Variants in PLXND1 observed in about 807,000 individuals in gnomAD.
PLXND1 encodes the protein plexin-D1.
Under a neutral mutation model 197.7 loss-of-function variants are expected in PLXND1, and 54 were observed. That is an observed-to-expected ratio of 0.27 (90% CI 0.22 to 0.34). The LOEUF (loss-of-function observed/expected upper bound fraction) is 0.34. PLXND1 is among the 10% of genes least tolerant of loss of function. The pLI, the probability that PLXND1 is intolerant of heterozygous loss-of-function variation, is 1.00. For missense variants in PLXND1, 2,127 were observed against 2,699.2 expected (o/e 0.79, Z 4.70); for synonymous variants, 1,180 against 1,161.2 (o/e 1.02, Z -0.33).
At chr3:129,566,385 A>T in intron 23 of PLXND1, 142 bp downstream of exon 23, 1 of 653,882 alleles carries the variant, frequency 1.5e-6, no homozygotes, top group Non-Finnish European at 2.8e-6. Context: ...CCTGGGATGG[A>T]GGGCTCAGTA....
intron 7 of PLXND1, 62 bp from the exon 8 acceptor site, chr3:129,583,731 G>A (rs1037769797): frequency 3.1e-5 from 35 of 1,131,892 alleles, no homozygotes; most frequent in Non-Finnish European, 4.2e-5. Flanking sequence ...CCCTGTCCCA[G>A]GAACTAGAAC....
chr3:129,565,108 A>G (rs2085118774), intron 25 of PLXND1, among the ~76,000 whole-genome samples: 1 of 152,248 alleles, frequency 6.6e-6, no homozygotes, highest in Non-Finnish European at 1.5e-5. Flanking sequence ...AACCTCTGTT[A>G]TGCCCCAAGC....
chr3:129,563,899 T>C (rs2085099226), intron 25 of PLXND1, among the ~76,000 whole-genome samples: 1 of 152,128 alleles, frequency 6.6e-6, no homozygotes. Flanking sequence ...AAGTACATAA[T>C]AGTATTAGGC....
rs1223177610 is a variant in PLXND1, at chr3:129,563,025, G to A, written c.4668+69C>T. 13 of 1,610,426 alleles carry A rather than the reference G, an allele frequency of 8.1e-6. No individual in the cohort carries two copies. In the African/African-American group the frequency reaches 1.6e-4, roughly 20 times the overall value. On this transcript the variant is annotated intron_variant, in intron 26 of 35. Coordinates refer to ENST00000324093, the MANE Select transcript of PLXND1 (RefSeq NM_015103.3). Reference sequence around the variant, plus strand: ...TGCCCAGGCAGCAAGGCCCTGCAGAGGAAGGCTGGGTCAATGCCGTTGGCG... The same window carrying A: ...TGCCCAGGCAGCAAGGCCCTGCAGAAGAAGGCTGGGTCAATGCCGTTGGCG...
chr3:129,603,697 C>T (rs545289029), intron 1 of PLXND1, among the ~76,000 whole-genome samples: 2 of 152,282 alleles, frequency 1.3e-5, no homozygotes, highest in East Asian at 3.9e-4. Context: ...CCGACCTCGA[C>T]CTTGGGAGAA....
At chr3:129,570,677 G>T in intron 19 of PLXND1, 109 bp downstream of exon 19, 1 of 1,074,672 alleles carries the variant, frequency 9.3e-7, no homozygotes. Flanking sequence ...CTGAGCTGTT[G>T]AGCGTGAAAA....
intron 1 of PLXND1, among the ~76,000 whole-genome samples, chr3:129,594,447 G>A (rs962153990): frequency 2.0e-4 from 30 of 152,128 alleles, no homozygotes; most frequent in African/African-American, 3.1e-4. Flanking sequence ...TTTCACCACC[G>A]CACTCCAGTC....
At chr3:129,588,396 G>A (rs1272505344) in intron 2 of PLXND1, among the ~76,000 whole-genome samples, 1 of 152,040 alleles carries the variant, frequency 6.6e-6, no homozygotes, top group Non-Finnish European at 1.5e-5. Context: ...TCCCAAGCCA[G>A]GACACTGAGG....
At chr3:129,586,458 G>A in intron 3 of PLXND1, 130 bp downstream of exon 3, 1 of 1,201,466 alleles carries the variant, frequency 8.3e-7, no homozygotes, top group Non-Finnish European at 1.2e-6. Context: ...GCAGGACAAG[G>A]TGGAGTTAGC....
Position 129,584,181 on chromosome 3 carries a change from C to A in PLXND1, c.2082G>T (p.Lys694Asn). ...TGCAGTCGTAGATGGTGAAATTGGC[C>A]TTGACGATGTTCCGCCCATTGACCC... ...SVRVNGRNIV[K>N]ANFTIYDCSR... Residue 694 changes from lysine to asparagine, a missense_variant, in exon 7 of 36, where the codon AAG (lysine) becomes AAT (asparagine). Physicochemically the swap from Lys to Asn is moderately conservative, Grantham distance 94 (BLOSUM62 0). This residue lies in a region of PLXND1 where 1,095 missense variants were observed against 1,259.8 expected (regional missense o/e 0.87). Coordinates refer to ENST00000324093, the MANE Select transcript of PLXND1 (RefSeq NM_015103.3). 1 of 1,582,854 alleles carries A rather than the reference C, an allele frequency of 6.3e-7. No individual in the cohort carries two copies. The highest frequency in any genetic ancestry group is 8.6e-7 in the Non-Finnish European group (1 of 1,162,964).
chr3:129,603,341 A>G (rs2085737928), intron 1 of PLXND1, among the ~76,000 whole-genome samples: 1 of 152,144 alleles, frequency 6.6e-6, no homozygotes, highest in Admixed American at 6.5e-5. Flanking sequence ...GAGGGAGCGG[A>G]CCGTGGGAAC....
chr3:129,570,928 T>C lies in PLXND1; in HGVS notation c.3608A>G (p.Gln1203Arg). Reference protein sequence around the residue: ...EPLTLVIHKEQDSLGLQSHEY... With the variant: ...EPLTLVIHKERDSLGLQSHEY... ...GTGACTCTGGAGCCCCAGGCTGTCC[T>C]GCTCCTTCTGTGGGTGCAAAGGGGG... The change falls in exon 19 of 36, where the codon CAG becomes CGG. Residue 1203 changes from glutamine to arginine, a missense_variant. Coordinates refer to ENST00000324093, the MANE Select transcript of PLXND1 (RefSeq NM_015103.3). The C allele has an allele frequency of 1.2e-6, 2 of 1,614,218 alleles. No homozygotes were observed. The highest frequency in any genetic ancestry group is 1.7e-6 in the Non-Finnish European group (2 of 1,180,020).
chr3:129,589,307 G>GCCGGGGCCCCCCCCCCCCCCCCCCCC, intron 2 of PLXND1, 44 bp downstream of exon 2: 2 of 684,690 alleles, frequency 2.9e-6, no homozygotes, highest in Non-Finnish European at 2.6e-6. Flanking sequence ...TCCCAGGGGA[G>GCCGGGGCCCCCCCCCCCCCCCCCCCC]CCTCCCACCC....
chr3:129,575,630 C>G, intron 10 of PLXND1, 68 bp from the exon 11 acceptor site: 1 of 1,315,750 alleles, frequency 7.6e-7, no homozygotes, highest in South Asian at 1.3e-5. Flanking sequence ...GGATGGGTGT[C>G]ATGGAGGCAG....
intron 2 of PLXND1, among the ~76,000 whole-genome samples, chr3:129,587,389 G>A (rs1473206267): frequency 6.6e-6 from 1 of 152,220 alleles, no homozygotes; most frequent in Non-Finnish European, 1.5e-5. Context: ...CAGGGAGGAG[G>A]AAGACCAGGA....
intron 1 of PLXND1, among the ~76,000 whole-genome samples, chr3:129,596,823 C>T (rs371201963): frequency 6.6e-6 from 1 of 152,160 alleles, no homozygotes; most frequent in Non-Finnish European, 1.5e-5. Context: ...CCAGAGTCAT[C>T]GCACGACCGC....
chr3:129,571,202 G>A lies in PLXND1; in HGVS notation c.3438C>T (p.Tyr1146=), dbSNP rs978697198. Residue 1146 remains tyrosine (Y), a synonymous_variant, in exon 18 of 36, where the codon TAC becomes TAT. Coordinates refer to ENST00000324093, the MANE Select transcript of PLXND1 (RefSeq NM_015103.3). ...CCTCAGCCACAGCCACCTCGTCTGC[G>A]TAGGCCCGCCCATTGATGAAGAAGT... ...PVDFFINGRA[Y]ADEVAVAEEL... The A allele has an allele frequency of 4.3e-6, 7 of 1,614,074 alleles. No individual in the cohort carries two copies. Among genetic ancestry groups the A allele is most frequent in the Non-Finnish European group, 5.9e-6 (7 of 1,180,022 alleles).
At chr3:129,560,767 G>C in intron 29 of PLXND1, 44 bp from the exon 30 acceptor site, 1,465 of 1,008,136 alleles carry the variant, frequency 1.5e-3, no homozygotes, top group Non-Finnish European at 2.1e-3. Context: ...GAGAGGAGAG[G>C]AGAGAAACAG....
rs1445806039 is a variant in PLXND1, at chr3:129,567,597, A to T, written c.3981T>A (p.Ala1327=). The T allele has an allele frequency of 6.2e-7, 1 of 1,610,766 alleles. No individual in the cohort carries two copies. Among genetic ancestry groups the T allele is most frequent in the Admixed American group, 1.7e-5 (1 of 59,824 alleles). Residue 1327 remains alanine, a synonymous_variant, in exon 22 of 36, where the codon GCT becomes GCA. Coordinates refer to ENST00000324093, the MANE Select transcript of PLXND1 (RefSeq NM_015103.3). ...QIREEIRKGF[A]ELQTDMTDLT... ...GATCTGTCATGTCTGTCTGCAGCTC[A>T]GCGAAGCCTGGCGGACACACGGACA... is the stretch of plus-strand genomic sequence containing the variant.
Sources: allele counts gnomAD v4.1 joint callset (sites outside exome capture counted in the v4.1 genomes callset), GRCh38; gene constraint gnomAD v4.1.1; regional missense constraint gnomAD v4.1.1; transcripts MANE v1.5; gene names NCBI Gene and HGNC (gene_info 2026-07-23, HGNC 2026-07-21).